LIPC: variants seen among roughly 807,000 people sequenced by gnomAD.
LIPC encodes the protein lipase C, hepatic type, also known as hepatic triacylglycerol lipase.
In LIPC, 44 loss-of-function variants were observed where a neutral mutation model predicts 50.7. The ratio of observed to expected loss-of-function variants is 0.87; its 90% CI spans 0.68 to 1.11. The LOEUF (loss-of-function observed/expected upper bound fraction) is 1.11. LIPC is among the 50% of genes most tolerant of loss of function. LIPC has a pLI of 0.00. For missense variants in LIPC, 697 were observed against 648.2 expected, an observed-to-expected ratio of 1.08 and a Z score of -0.82; for synonymous variants, 271 against 256.4, an observed-to-expected ratio of 1.06 and a Z score of -0.54.
rs559976418 is a variant in LIPC at position 58,490,912 on chromosome 15, C to G, written c.89-47421C>G. On this transcript the variant is annotated intron_variant, in intron 1 of 8. Transcript: ENST00000299022. ...AGAAGTGTGGAGGATACTAATTACA[C>G]CCAGGTGGAAGCCTGGCCACAGCTC... 3.3e-5 allele frequency among the ~76,000 whole-genome samples: 5 copies of G among 152,258 alleles called. No homozygotes were observed. The South Asian group carries it at 1.0e-3, about 32-fold the overall frequency.
rs190471231 is a variant in LIPC at position 58,498,416 on chromosome 15, T to G, written c.89-39917T>G. 2.9e-4 allele frequency among the ~76,000 whole-genome samples: 44 copies of G among 152,202 alleles called. No homozygotes were observed. The East Asian group carries it at 8.3e-3, about 29-fold the overall frequency. On this transcript the variant is annotated intron_variant, in intron 1 of 8. Transcript: ENST00000299022. ...CCCTGCGTTATCAATAGGGGCCATA[T>G]TGCCCCCAAGAGGGTGAAATTGTAT...
intron 1 of LIPC, among the ~76,000 whole-genome samples, chr15:58,439,326 CATGATTTAA>C (rs1459150341): frequency 3.3e-5 from 5 of 152,204 alleles, no homozygotes; most frequent in Admixed American, 3.3e-4. Context: ...TATTGACTTT[CATGATTTAA>C]ATAATCAGAA....
chr15:58,544,219 G>A (rs1893441844), intron 4 of LIPC, among the ~76,000 whole-genome samples: 1 of 152,018 alleles, frequency 6.6e-6, no homozygotes, highest in Non-Finnish European at 1.5e-5. Context: ...GCAGCCTCAG[G>A]CCCAAGGCCC....
At chr15:58,476,169 G>C (rs925207665) in intron 1 of LIPC, among the ~76,000 whole-genome samples, 10 of 152,220 alleles carry the variant, frequency 6.6e-5, no homozygotes, top group Admixed American at 6.5e-4. Context: ...TCTTCAGCTC[G>C]GAAGTAGTGG....
At chr15:58,436,594 T>C (rs1383385319) in intron 1 of LIPC, 3 of 341,500 alleles carry the variant, frequency 8.8e-6, no homozygotes, top group Admixed American at 7.8e-5. Context: ...TTTTGTCTTA[T>C]AGAGCAGAGG....
chr15:58,501,143 T>C (rs1891971423), intron 1 of LIPC, among the ~76,000 whole-genome samples: 1 of 152,064 alleles, frequency 6.6e-6, no homozygotes, highest in Non-Finnish European at 1.5e-5. Context: ...ATGCCTCCTG[T>C]GCACCCTTTC....
chr15:58,511,155 T>C (rs1380477003), intron 1 of LIPC, among the ~76,000 whole-genome samples: 6 of 152,208 alleles, frequency 3.9e-5, no homozygotes, highest in African/African-American at 1.4e-4. Context: ...CTCGGCTACA[T>C]GAAATGGTAC....
At chr15:58,480,007 G>GCA (rs1891132233) in intron 1 of LIPC, among the ~76,000 whole-genome samples, 1 of 152,162 alleles carries the variant, frequency 6.6e-6, no homozygotes, top group Admixed American at 6.5e-5. Context: ...CCCATAGAAG[G>GCA]CACACAGTAC....
At chr15:58,494,813 G>T in intron 1 of LIPC, 1 of 456,230 alleles carries the variant, frequency 2.2e-6, no homozygotes, top group Non-Finnish European at 4.4e-6. Flanking sequence ...GCTAGTTCTT[G>T]CTTGGAAATG....
Position 58,568,971 on chromosome 15 carries a change from T to A in LIPC, c.*144T>A. On this transcript the variant is annotated 3_prime_UTR_variant, in exon 9 of 9. Transcript: ENST00000299022. The stretch of plus-strand genomic sequence containing the variant: ...GATTTAAGGGGGGTATGTTTCACTC[T>A]CATAAACTGAGCTTTTAAAAACGAT... The A allele has an allele frequency of 1.8e-6, 1 of 554,730 alleles. No individual in the cohort carries two copies. Among genetic ancestry groups the A allele is most frequent in the East Asian group, 2.9e-5 (1 of 34,710 alleles). 34.4% of individuals were successfully genotyped at this position (554,730 alleles called of 1,614,324 possible).
At chr15:58,542,402 T>C in intron 3 of LIPC, 132 bp from the exon 4 acceptor site, 1 of 752,482 alleles carries the variant, frequency 1.3e-6, no homozygotes, top group South Asian at 1.4e-5. Flanking sequence ...TAGTTTCAGT[T>C]TGGAGTGTGA....
intron 1 of LIPC, among the ~76,000 whole-genome samples, chr15:58,507,644 G>A (rs983239280): frequency 1.3e-5 from 2 of 152,202 alleles, no homozygotes; most frequent in African/African-American, 4.8e-5. Context: ...ATACAGAAAG[G>A]GTAGCTGGCT....
chr15:58,447,034 G>A (rs1250655911), intron 1 of LIPC, among the ~76,000 whole-genome samples: 2 of 150,290 alleles, frequency 1.3e-5, no homozygotes, highest in East Asian at 4.0e-4. Flanking sequence ...TGTAGTCCCA[G>A]CTACTTGGGA....
chr15:58,495,945 A>T (rs1891748505), intron 1 of LIPC, among the ~76,000 whole-genome samples: 1 of 152,106 alleles, frequency 6.6e-6, no homozygotes. Flanking sequence ...AATTTCCAAG[A>T]CTCGTGGGAT....
intron 1 of LIPC, among the ~76,000 whole-genome samples, chr15:58,438,839 TC>T (rs1893404617): frequency 2.0e-5 from 3 of 152,210 alleles, no homozygotes; most frequent in Admixed American, 2.0e-4. Context: ...TTGGCTAACT[TC>T]CCTTTCCTTC....
At chr15:58,563,877 C>A in intron 8 of LIPC, 154 bp downstream of exon 8, 2 of 724,974 alleles carry the variant, frequency 2.8e-6, no homozygotes, top group Non-Finnish European at 4.9e-6. Context: ...GTGACTATCC[C>A]AACTTTACAC....
intron 1 of LIPC, among the ~76,000 whole-genome samples, chr15:58,524,799 G>C (rs1295171645): frequency 6.6e-6 from 1 of 152,164 alleles, no homozygotes; most frequent in East Asian, 1.9e-4. Context: ...GCATTCTATA[G>C]ATATCGGGGA....
chr15:58,511,747 AT>A (rs1169849353), intron 1 of LIPC, among the ~76,000 whole-genome samples: 3 of 152,226 alleles, frequency 2.0e-5, no homozygotes, highest in Non-Finnish European at 4.4e-5. Flanking sequence ...TATGAATAAG[AT>A]TGCATCACAG....
intron 6 of LIPC, among the ~76,000 whole-genome samples, chr15:58,555,958 G>T (rs192359789): frequency 6.6e-6 from 1 of 152,166 alleles, no homozygotes; most frequent in Non-Finnish European, 1.5e-5. Flanking sequence ...GAAACCAATC[G>T]ACAAGGGAGC....
Sources: gnomAD v4.1 joint callset for allele counts (sites outside exome capture counted in the v4.1 genomes callset) on GRCh38, gnomAD v4.1.1 for gene constraint, MANE v1.5 for transcripts, NCBI Gene and HGNC (gene_info 2026-07-23, HGNC 2026-07-21) for gene names.